PTPRN2: variants seen among roughly 807,000 people sequenced by gnomAD.
The protein encoded by PTPRN2 is receptor-type tyrosine-protein phosphatase N2.
In PTPRN2, 74 loss-of-function variants were observed where a neutral mutation model predicts 118.8. That is an observed-to-expected ratio of 0.62 (90% CI 0.52 to 0.76). PTPRN2 has a LOEUF of 0.76. PTPRN2 is among the 30% of genes least tolerant of loss of function. PTPRN2 has a pLI of 0.00. For missense variants in PTPRN2, 1,481 were observed against 1,394.4 expected (o/e 1.06, Z -0.99); for synonymous variants, 641 against 608.0 (o/e 1.05, Z -0.80).
intron 15 of PTPRN2, among the ~76,000 whole-genome samples, chr7:157,612,827 G>GCATCC (rs1253317693): frequency 1.3e-5 from 2 of 152,220 alleles, no homozygotes; most frequent in African/African-American, 4.8e-5. Context: ...CGGTCAAAGG[G>GCATCC]CATCCACAGA....
At chr7:158,366,385 CA>C (rs1437464874) in intron 2 of PTPRN2, among the ~76,000 whole-genome samples, 3 of 47,566 alleles carry the variant, frequency 6.3e-5, no homozygotes, top group African/African-American at 1.4e-4. Flanking sequence ...AACGCACACA[CA>C]CCCACACACC....
chr7:158,132,351 C>T (rs893069602), intron 9 of PTPRN2, among the ~76,000 whole-genome samples: 2 of 151,682 alleles, frequency 1.3e-5, no homozygotes, highest in Non-Finnish European at 2.9e-5. Flanking sequence ...CAAACCAATA[C>T]ACATCTACCC....
At chr7:158,534,888 G>A (rs932372874) in intron 1 of PTPRN2, among the ~76,000 whole-genome samples, 1 of 152,192 alleles carries the variant, frequency 6.6e-6, no homozygotes, top group Non-Finnish European at 1.5e-5. Context: ...GGTGGGAAAC[G>A]CAGCGGGAGA....
intron 3 of PTPRN2, among the ~76,000 whole-genome samples, chr7:158,214,397 T>TAAACAC (rs1554582870): frequency 6.9e-6 from 1 of 145,762 alleles, no homozygotes; most frequent in Non-Finnish European, 1.5e-5. Flanking sequence ...CACCAGCGTG[T>TAAACAC]ACACACACAC....
At chr7:158,483,223 TTTTG>T (rs1189729601) in intron 2 of PTPRN2, among the ~76,000 whole-genome samples, 1 of 152,262 alleles carries the variant, frequency 6.6e-6, no homozygotes, top group African/African-American at 2.4e-5. Flanking sequence ...TTAATCTGTC[TTTTG>T]TTACAAGTCT....
At chr7:157,911,070 C>G (rs1029391598) in intron 11 of PTPRN2, among the ~76,000 whole-genome samples, 2 of 152,208 alleles carry the variant, frequency 1.3e-5, no homozygotes, top group African/African-American at 4.8e-5. Context: ...TCTCTCTTTT[C>G]TTCTTTGGCG....
At chr7:158,362,025 CGTCT>C (rs1668391827) in intron 2 of PTPRN2, among the ~76,000 whole-genome samples, 1 of 152,208 alleles carries the variant, frequency 6.6e-6, no homozygotes, top group African/African-American at 2.4e-5. Flanking sequence ...ATCTTTCCTC[CGTCT>C]GTCTGTCACT....
intron 12 of PTPRN2, among the ~76,000 whole-genome samples, chr7:157,892,224 C>T (rs1478187411): frequency 6.6e-6 from 1 of 152,182 alleles, no homozygotes; most frequent in East Asian, 1.9e-4. Flanking sequence ...GAAGCTAGAA[C>T]GCACCCCTAA....
chr7:158,586,716 C>T (rs1309356453), intron 1 of PTPRN2, among the ~76,000 whole-genome samples: 3 of 152,176 alleles, frequency 2.0e-5, no homozygotes, highest in Non-Finnish European at 4.4e-5. Flanking sequence ...GCGGCTGCCA[C>T]GGAGGAAAAA....
At chr7:157,844,815 G>A (rs933481599) in intron 12 of PTPRN2, among the ~76,000 whole-genome samples, 5 of 152,196 alleles carry the variant, frequency 3.3e-5, no homozygotes, top group African/African-American at 1.2e-4. Context: ...TGACGAGATA[G>A]CAGTATGTTA....
chr7:158,029,829 G>A (rs1228867076), intron 11 of PTPRN2: 1 of 151,800 alleles, frequency 6.6e-6, no homozygotes, highest in African/African-American at 2.4e-5. Context: ...CACAGGGGCT[G>A]GAGGCTCCTG....
intron 2 of PTPRN2, among the ~76,000 whole-genome samples, chr7:158,485,027 C>T (rs1397931364): frequency 1.3e-5 from 2 of 152,300 alleles, no homozygotes; most frequent in African/African-American, 4.8e-5. Flanking sequence ...GCCCCGGCCG[C>T]CAGCGTCCCG....
At chr7:157,659,119 C>T (rs1294158604) in intron 13 of PTPRN2, among the ~76,000 whole-genome samples, 1 of 151,844 alleles carries the variant, frequency 6.6e-6, no homozygotes, top group African/African-American at 2.4e-5. Context: ...GAAAACATTT[C>T]CCTCCACCTG....
At chr7:157,542,028 G>A (rs748476332) in intron 22 of PTPRN2, among the ~76,000 whole-genome samples, 7 of 152,176 alleles carry the variant, frequency 4.6e-5, no homozygotes, top group South Asian at 2.1e-4. Context: ...CTCAGGGTGG[G>A]ACCCGGGGAG....
chr7:158,562,379 G>A (rs1200724076), intron 1 of PTPRN2, among the ~76,000 whole-genome samples: 2 of 152,266 alleles, frequency 1.3e-5, no homozygotes, highest in Admixed American at 1.3e-4. Flanking sequence ...CCTAACACCA[G>A]CATGTCAGGA....
At chr7:157,544,957 T>G (rs1305604374) in intron 22 of PTPRN2, among the ~76,000 whole-genome samples, 1 of 59,014 alleles carries the variant, frequency 1.7e-5, no homozygotes, top group Admixed American at 1.5e-4. Context: ...TGTGTGGATG[T>G]GTGTGGGGGT....
intron 12 of PTPRN2, among the ~76,000 whole-genome samples, chr7:157,720,541 G>C (rs543485508): frequency 1.2e-3 from 190 of 152,364 alleles, no homozygotes; most frequent in African/African-American, 3.4e-3. Context: ...TAGGAGGCCT[G>C]AGCCAAGGAC....
chr7:158,340,379 A>G (rs1202389587), intron 2 of PTPRN2, among the ~76,000 whole-genome samples: 5 of 90,976 alleles, frequency 5.5e-5, no homozygotes, highest in Non-Finnish European at 9.3e-5. Flanking sequence ...ACTCACACCC[A>G]TACTCTCACC....
chr7:158,203,225 C>CAAAAAAAAAAAAAAAA (rs56016358), intron 4 of PTPRN2, among the ~76,000 whole-genome samples: 3 of 50,340 alleles, frequency 6.0e-5, no homozygotes, highest in Admixed American at 2.8e-4. Flanking sequence ...AAGCAAGAGC[C>CAAAAAAAAAAAAAAAA]AAAAAAAAAA....
Sources: gnomAD v4.1 joint callset for allele counts (sites outside exome capture counted in the v4.1 genomes callset) on GRCh38, gnomAD v4.1.1 for gene constraint, MANE v1.5 for transcripts, NCBI Gene and HGNC (gene_info 2026-07-23, HGNC 2026-07-21) for gene names.